Variants in SERINC1 observed in about 807,000 individuals in gnomAD.
The protein encoded by SERINC1 is tumor differentially expressed protein 2.
Under a neutral mutation model 52.9 loss-of-function variants are expected in SERINC1, and 38 were observed. That is an observed-to-expected ratio of 0.72 (90% CI 0.55 to 0.94). The LOEUF (loss-of-function observed/expected upper bound fraction) is 0.94, where lower values mean the gene tolerates loss of function less well. Ranked by LOEUF, SERINC1 falls within the 40% of genes least tolerant of loss-of-function variation. The probability of loss-of-function intolerance (pLI) is 0.00; values close to 1 mark genes in which losing one functional copy is unlikely to be tolerated. For synonymous variants in SERINC1, 198 were observed against 183.1 expected (o/e 1.08, Z -0.66); for missense variants, 471 against 533.9 (o/e 0.88, Z 1.16).
intron 7 of SERINC1, 24 bp downstream of exon 7, chr6:122,451,640 A>G: frequency 1.2e-6 from 1 of 851,662 alleles, no homozygotes; most frequent in Non-Finnish European, 1.9e-6. Flanking sequence ...ACCTTTAGGA[A>G]CATGTAATAT....
At chr6:122,468,480 T>C (rs1047580090) in intron 1 of SERINC1, among the ~76,000 whole-genome samples, 2 of 152,170 alleles carry the variant, frequency 1.3e-5, no homozygotes, top group African/African-American at 2.4e-5. Context: ...TGGAAACACC[T>C]CCTTAGAAGA....
intron 1 of SERINC1, among the ~76,000 whole-genome samples, chr6:122,465,375 AAAG>A (rs1212307360): frequency 6.6e-6 from 1 of 152,182 alleles, no homozygotes. Flanking sequence ...TAGTCACCTG[AAAG>A]AATAAAACAT....
chr6:122,450,037 A>T (rs1432332139), intron 7 of SERINC1, among the ~76,000 whole-genome samples: 1 of 152,196 alleles, frequency 6.6e-6, no homozygotes, highest in Admixed American at 6.5e-5. Flanking sequence ...ATAAGAAAAA[A>T]GAAAGCAGCC....
At chr6:122,465,471 C>T (rs1775172967) in intron 1 of SERINC1, among the ~76,000 whole-genome samples, 1 of 152,196 alleles carries the variant, frequency 6.6e-6, no homozygotes, top group African/African-American at 2.4e-5. Flanking sequence ...ATTTTATGTA[C>T]TGAATGTGAA....
Position 122,448,540 on chromosome 6 carries a change from A to C in SERINC1, c.851-1275T>G, listed in dbSNP as rs1014479163. Among the ~76,000 whole-genome samples the C allele has an allele frequency of 4.6e-5, 7 of 152,134 alleles. 1 individual carries two copies. Among genetic ancestry groups the C allele is most frequent in the African/African-American group, 1.7e-4 (7 of 41,428 alleles). ...TATGTTTCTATTCTCATGGTATGCA[A>C]TATAACTAGCCTATAATAAGATGCA... On this transcript the variant is annotated intron_variant, in intron 7 of 9. Coordinates refer to ENST00000339697, the MANE Select transcript of SERINC1 (RefSeq NM_020755.4).
At chr6:122,461,096 A>G (rs1775092936) in intron 1 of SERINC1, among the ~76,000 whole-genome samples, 1 of 152,170 alleles carries the variant, frequency 6.6e-6, no homozygotes, top group Admixed American at 6.5e-5. Flanking sequence ...AGAGTCCCTG[A>G]AATGAACTTC....
chr6:122,446,199 A>AGTGATAGTG (rs1774797351), intron 9 of SERINC1, among the ~76,000 whole-genome samples: 1 of 152,082 alleles, frequency 6.6e-6, no homozygotes, highest in African/African-American at 2.4e-5. Context: ...AAACACTATA[A>AGTGATAGTG]ATCACTATCT....
At position 122,445,028 on chromosome 6, in the gene SERINC1, A is replaced by G. The variant is rs1774762336; in HGVS notation, c.*16T>C. 1.1e-5 allele frequency: 17 copies of G among 1,604,090 alleles called. No individual in the cohort carries two copies. Among genetic ancestry groups the G allele is most frequent in the Non-Finnish European group, 1.4e-5 (17 of 1,176,152 alleles). On this transcript the variant is annotated 3_prime_UTR_variant, in exon 10 of 10. Coordinates refer to ENST00000339697, the MANE Select transcript of SERINC1 (RefSeq NM_020755.4). ...AAGCAATAATCAAAGTGGGACTTTC[A>G]TGCTAGAAGTCTCACTCAGTCAAAA...
At position 122,458,529 on chromosome 6, in the gene SERINC1, T is replaced by C. The variant is rs200651713; in HGVS notation, c.192A>G (p.Gln64=). The C allele has an allele frequency of 1.9e-6, 3 of 1,612,212 alleles. No individual in the cohort carries two copies. The highest frequency in any genetic ancestry group is 2.5e-6 in the Non-Finnish European group (3 of 1,178,512). The change falls in exon 2 of 10, where the codon CAA becomes CAG. Residue 64 remains glutamine, a synonymous_variant. Coordinates refer to ENST00000339697, the MANE Select transcript of SERINC1 (RefSeq NM_020755.4). The stretch of plus-strand genomic sequence containing the variant: ...AAGAAACGAGACTAACCTTATTCAG[T>C]TGTTCTTCCATTCCTGGTATCAACA... ...CVMLIPGMEE[Q]LNKIPGFCEN... is the part of the protein sequence containing the mutation.
At chr6:122,445,340 T>TA (rs1774771222) in intron 9 of SERINC1, among the ~76,000 whole-genome samples, 161 bp from the exon 10 acceptor site, 1 of 152,210 alleles carries the variant, frequency 6.6e-6, no homozygotes, top group African/African-American at 2.4e-5. Context: ...TCCACACTGC[T>TA]AGTGTGAAGG....
intron 3 of SERINC1, among the ~76,000 whole-genome samples, chr6:122,455,678 A>C (rs1323676989): frequency 1.3e-5 from 2 of 152,144 alleles, no homozygotes; most frequent in Non-Finnish European, 2.9e-5. Context: ...AAAAACAACA[A>C]TTACATAAAC....
chr6:122,448,407 C>T (rs1774844808), intron 7 of SERINC1, among the ~76,000 whole-genome samples: 1 of 152,108 alleles, frequency 6.6e-6, no homozygotes, highest in Non-Finnish European at 1.5e-5. Context: ...AGTTTGTAAA[C>T]TCAATGAGAT....
In SERINC1 at chr6:122,470,897, T is replaced by C. The variant is rs537751918; in HGVS notation, c.39+802A>G. On this transcript the variant is annotated intron_variant, in intron 1 of 9. Coordinates refer to ENST00000339697, the MANE Select transcript of SERINC1 (RefSeq NM_020755.4). Reference sequence around the variant, plus strand: ...GGGGCAGAGATTATCTTAAATAAACTGAAATTTGTGCCACACGGACCAAAG... The same window carrying C: ...GGGGCAGAGATTATCTTAAATAAACCGAAATTTGTGCCACACGGACCAAAG... Among the ~76,000 whole-genome samples the C allele has an allele frequency of 2.0e-5, 3 of 152,038 alleles. No homozygotes were observed. The South Asian group carries it at 6.2e-4, about 32-fold the overall frequency.
intron 2 of SERINC1, among the ~76,000 whole-genome samples, chr6:122,457,005 A>G (rs534974560): frequency 1.3e-5 from 2 of 152,170 alleles, no homozygotes; most frequent in South Asian, 4.1e-4. Context: ...CAGAACTATT[A>G]ATACATCTAT....
Position 122,456,738 on chromosome 6 carries a change from G to T in SERINC1, c.202-88C>A. 3.9e-6 allele frequency: 4 copies of T among 1,024,646 alleles called. No homozygotes were observed. In the South Asian group the frequency reaches 8.3e-5, roughly 21 times the overall value. 63.5% of individuals were successfully genotyped at this position (1,024,646 alleles called of 1,614,324 possible). On this transcript the variant is annotated intron_variant, in intron 2 of 9. Coordinates refer to ENST00000339697, the MANE Select transcript of SERINC1 (RefSeq NM_020755.4). ...ATGTAATCAAATAGTTTAAGTAAAG[G>T]TTTAGAAAACTGGCATTTGCTTTAC...
chr6:122,456,568 A>C lies in SERINC1; in HGVS notation c.284T>G (p.Phe95Cys). 3 of 1,612,872 alleles carry C rather than the reference A, an allele frequency of 1.9e-6. No homozygotes were observed. The highest frequency in any genetic ancestry group is 2.5e-6 in the Non-Finnish European group (3 of 1,179,176). Residue 95 changes from phenylalanine (F) to cysteine (C), a missense_variant, in exon 3 of 10, where the codon TTT becomes TGT. By Grantham distance (205) the Phe-to-Cys change is radical (BLOSUM62 -2). Transcript: ENST00000339697. ...VGYKAVYRLC[F>C]GLAMFYLLLS... The stretch of plus-strand genomic sequence containing the variant: ...AAGAAGATAGAACATAGCCAAACCA[A>C]AGCACAAACGATATACAGCTTTATA...
At chr6:122,456,399 C>A in intron 3 of SERINC1, 82 bp downstream of exon 3, 2 of 856,772 alleles carry the variant, frequency 2.3e-6, no homozygotes, top group Non-Finnish European at 1.7e-6. Flanking sequence ...TTTATTTTAC[C>A]TTAAAGTTTC....
At chr6:122,450,042 G>A (rs1441683353) in intron 7 of SERINC1, among the ~76,000 whole-genome samples, 2 of 151,982 alleles carry the variant, frequency 1.3e-5, no homozygotes, top group Non-Finnish European at 2.9e-5. Flanking sequence ...AAAAAAGAAA[G>A]CAGCCAAACC....
At chr6:122,465,046 A>G (rs1193018233) in intron 1 of SERINC1, among the ~76,000 whole-genome samples, 1 of 152,174 alleles carries the variant, frequency 6.6e-6, no homozygotes, top group Non-Finnish European at 1.5e-5. Context: ...TCTTTAAAAA[A>G]GAAAGAATAA....
Sources: gnomAD v4.1 joint callset for allele counts (sites outside exome capture counted in the v4.1 genomes callset) on GRCh38, gnomAD v4.1.1 for gene constraint, MANE v1.5 for transcripts, NCBI Gene and HGNC (gene_info 2026-07-23, HGNC 2026-07-21) for gene names.